Variants in FHIP1A observed in about 807,000 individuals in gnomAD.
FHIP1A encodes FHF complex subunit HOOK-interacting protein 1A.
In FHIP1A, 61 loss-of-function variants were observed where a neutral mutation model predicts 88.6. The observed-to-expected ratio is 0.69, with a 90% CI of 0.56 to 0.85. The LOEUF (loss-of-function observed/expected upper bound fraction) is 0.85. Ranked by LOEUF, FHIP1A falls within the 40% of genes least tolerant of loss-of-function variation. FHIP1A has a pLI of 0.00. For missense variants in FHIP1A, 1,154 were observed against 1,273.5 expected (o/e 0.91, Z 1.43); for synonymous variants, 478 against 496.0 (o/e 0.96, Z 0.48).
chr4:151,650,320 A>C lies in FHIP1A; in HGVS notation c.2279A>C (p.Lys760Thr). The C allele has an allele frequency of 6.4e-7, 1 of 1,551,728 alleles. No individual in the cohort carries two copies. The highest frequency in any genetic ancestry group is 8.7e-7 in the Non-Finnish European group (1 of 1,146,990). ...ATTGCCCAGTATGACCAAATCATTA[A>C]AGAGCTGGATTCCGGCGCCGAGGGC... ...ELIAQYDQII[K>T]ELDSGAEGLM... Residue 760 changes from lysine to threonine, a missense_variant, in exon 11 of 14, where the codon AAA (lysine) becomes ACA (threonine). By Grantham distance (78) the Lys-to-Thr change is moderately conservative. Transcript: ENST00000435205.
At chr4:151,433,147 A>G (rs976629234) in intron 1 of FHIP1A, among the ~76,000 whole-genome samples, 5 of 152,214 alleles carry the variant, frequency 3.3e-5, no homozygotes, top group Admixed American at 2.0e-4. Flanking sequence ...AATGCGATGA[A>G]GGTTTTTGAC....
chr4:151,439,700 C>T (rs1728336294), intron 1 of FHIP1A, among the ~76,000 whole-genome samples: 1 of 152,072 alleles, frequency 6.6e-6, no homozygotes, highest in Non-Finnish European at 1.5e-5. Context: ...TTGATCTTAC[C>T]TTCTGCTTAA....
At position 151,670,199 on chromosome 4, in the gene FHIP1A, T is replaced by C. The variant is rs1578887191; in HGVS notation, c.*7445T>C. On this transcript the variant is annotated 3_prime_UTR_variant, in exon 14 of 14. Coordinates refer to ENST00000435205, the MANE Select transcript of FHIP1A (RefSeq NM_001109977.3). The stretch of plus-strand genomic sequence containing the variant: ...ACCGAACAAAGGTGCTCCGGTGCAG[T>C]GGAGAGAACAGTATTAGTGTCGCAA... 1 of 152,108 alleles carries C rather than the reference T, an allele frequency of 6.6e-6. No individual in the cohort carries two copies. The highest frequency in any genetic ancestry group is 2.1e-4 in the South Asian group (1 of 4,824). 9.4% of individuals were successfully genotyped at this position (152,108 alleles called of 1,614,324 possible). A position where few individuals can be genotyped will look rare whatever the true frequency, so the allele number is the denominator to read the frequency against.
chr4:151,583,121 G>T (rs1466763409), intron 5 of FHIP1A, among the ~76,000 whole-genome samples: 2 of 152,196 alleles, frequency 1.3e-5, no homozygotes, highest in Admixed American at 6.5e-5. Flanking sequence ...CTGACCCACA[G>T]TCTGTGTTCT....
intron 11 of FHIP1A, among the ~76,000 whole-genome samples, chr4:151,653,773 C>T (rs892110157): frequency 4.6e-5 from 7 of 151,988 alleles, no homozygotes; most frequent in South Asian, 4.2e-4. Context: ...GAGGGAGGCA[C>T]GGAATCAATG....
chr4:151,479,085 C>G (rs1002451572), intron 2 of FHIP1A, among the ~76,000 whole-genome samples: 3 of 151,974 alleles, frequency 2.0e-5, no homozygotes, highest in African/African-American at 7.2e-5. Context: ...AAGATTGAAG[C>G]TTCATTTGGT....
At chr4:151,612,924 G>C (rs1442871420) in intron 7 of FHIP1A, among the ~76,000 whole-genome samples, 1 of 152,238 alleles carries the variant, frequency 6.6e-6, no homozygotes, top group East Asian at 1.9e-4. Flanking sequence ...GTATTTCATA[G>C]TGCTAGAGAC....
At chr4:151,518,635 TTCCCTCCCTCCCTCCC>T (rs149749640) in intron 3 of FHIP1A, among the ~76,000 whole-genome samples, 2 of 81,458 alleles carry the variant, frequency 2.5e-5, no homozygotes, top group African/African-American at 1.1e-4. Flanking sequence ...AACTATCCAT[TTCCCTCCCTCCCTCCC>T]TCCCTCCCTC....
intron 1 of FHIP1A, among the ~76,000 whole-genome samples, chr4:151,443,080 A>G (rs971626263): frequency 3.3e-5 from 5 of 152,072 alleles, no homozygotes; most frequent in African/African-American, 1.2e-4. Context: ...AGACCAGCCT[A>G]GATAACATAG....
chr4:151,486,273 T>C (rs1324816257), intron 3 of FHIP1A, among the ~76,000 whole-genome samples: 3 of 152,190 alleles, frequency 2.0e-5, no homozygotes, highest in East Asian at 1.9e-4. Context: ...GATTCTGATA[T>C]GTGCTATTGT....
chr4:151,444,565 T>C (rs752469503), intron 1 of FHIP1A, among the ~76,000 whole-genome samples: 6 of 152,146 alleles, frequency 3.9e-5, no homozygotes, highest in Non-Finnish European at 8.8e-5. Flanking sequence ...TTATCCTTCA[T>C]TTCTTAGTCA....
At position 151,656,308 on chromosome 4, in the gene FHIP1A, C is replaced by G; in HGVS notation, c.2628C>G (p.Ile876Met). 1.9e-6 allele frequency: 3 copies of G among 1,551,566 alleles called. No homozygotes were observed. The highest frequency in any genetic ancestry group is 2.6e-6 in the Non-Finnish European group (3 of 1,146,908). ...ENSLHVNLLL[I>M]GIITQLASYP... Reference sequence around the variant, plus strand: ...CTTTACATGTTAATTTGCTGCTTATCGGGATCATTACTCAGCTAGCCAGCT... The same window carrying G: ...CTTTACATGTTAATTTGCTGCTTATGGGGATCATTACTCAGCTAGCCAGCT... Residue 876 changes from isoleucine to methionine, a missense_variant, in exon 12 of 14, where the codon ATC (isoleucine) becomes ATG (methionine). Ile to Met is a conservative substitution (Grantham distance 10). Coordinates refer to ENST00000435205, the MANE Select transcript of FHIP1A (RefSeq NM_001109977.3). This position sits in a 1 kb window ranked among gnomAD's most constrained non-coding sequence, Gnocchi z 4.2.
intron 7 of FHIP1A, among the ~76,000 whole-genome samples, chr4:151,622,396 G>A (rs544247148): frequency 1.1e-4 from 16 of 152,312 alleles, no homozygotes; most frequent in African/African-American, 2.6e-4. Context: ...GAAAGAAGCC[G>A]TGTAATCTCT....
At chr4:151,577,264 C>T (rs370536612) in intron 4 of FHIP1A, among the ~76,000 whole-genome samples, 186 bp from the exon 5 acceptor site, 3 of 152,064 alleles carry the variant, frequency 2.0e-5, no homozygotes, top group Non-Finnish European at 4.4e-5. Flanking sequence ...CATCTTCTTT[C>T]TATAGTTTAA....
chr4:151,437,611 C>A (rs1160873874), intron 1 of FHIP1A, among the ~76,000 whole-genome samples: 3 of 152,132 alleles, frequency 2.0e-5, no homozygotes, highest in Non-Finnish European at 4.4e-5. Flanking sequence ...GGTTACATTA[C>A]CTCTAACATG....
At chr4:151,557,147 G>A (rs1732980754) in intron 3 of FHIP1A, among the ~76,000 whole-genome samples, 1 of 152,086 alleles carries the variant, frequency 6.6e-6, no homozygotes, top group Non-Finnish European at 1.5e-5. Flanking sequence ...GTGAATATAT[G>A]TGTTAATAAC....
intron 8 of FHIP1A, 30 bp downstream of exon 8, chr4:151,629,899 A>T: frequency 6.6e-7 from 1 of 1,520,784 alleles, no homozygotes; most frequent in Non-Finnish European, 8.9e-7. Context: ...AAGGGAACTT[A>T]CAACTCAGAA....
rs1561483970 is a variant in FHIP1A, at chr4:151,412,578, CCTTTCT to C, written c.-356+3114_-356+3119del. Among the ~76,000 whole-genome samples, 146 of 124,180 alleles carry C rather than the reference CCTTTCT, an allele frequency of 1.2e-3. 2 individuals are homozygous for C. In the East Asian group the frequency reaches 0.02, roughly 17 times the overall value. The allele number at this position is 124,180 out of a possible 152,430, so 81.5% of individuals were successfully genotyped here. A position where few individuals can be genotyped will look rare whatever the true frequency, so the allele number is the denominator to read the frequency against. On this transcript the variant is annotated intron_variant, in intron 1 of 13. Transcript: ENST00000435205. ...TTTTTCTTTCTTTCTTTCTTTCTTT[CCTTTCT>C]TTCCTTCCTTCCTTCCTTCCTTCCT...
At chr4:151,457,540 G>A (rs187529102) in intron 2 of FHIP1A, among the ~76,000 whole-genome samples, 3 of 152,302 alleles carry the variant, frequency 2.0e-5, no homozygotes, top group Admixed American at 2.0e-4. Flanking sequence ...ATTACTGACT[G>A]TAAAACTGCA....
Sources: gnomAD v4.1 joint callset for allele counts (sites outside exome capture counted in the v4.1 genomes callset) on GRCh38, gnomAD v4.1.1 for gene constraint, Gnocchi (gnomAD v3.1) non-coding constraint, MANE v1.5 for transcripts, NCBI Gene and HGNC (gene_info 2026-07-23, HGNC 2026-07-21) for gene names.